The following RASGEF1C variants were observed in gnomAD, a reference collection of about 807,000 sequenced individuals.
RASGEF1C encodes RasGEF domain family member 1C.
Under a neutral mutation model 58.1 loss-of-function variants are expected in RASGEF1C, and 27 were observed. The observed-to-expected ratio is 0.46, with a 90% CI of 0.34 to 0.64. The LOEUF (loss-of-function observed/expected upper bound fraction) is 0.64, where lower values mean the gene tolerates loss of function less well. RASGEF1C is among the 30% of genes least tolerant of loss of function. RASGEF1C has a pLI of 0.01. For synonymous variants in RASGEF1C, 243 were observed against 246.3 expected (o/e 0.99, Z 0.13); for missense variants, 502 against 605.1 (o/e 0.83, Z 1.79).
At chr5:180,174,538 G>GCA in intron 1 of RASGEF1C, among the ~76,000 whole-genome samples, 1 of 128,622 alleles carries the variant, frequency 7.8e-6, no homozygotes, top group South Asian at 2.3e-4. Flanking sequence ...GTCTCTGTGT[G>GCA]TGCGTGTGTG....
At chr5:180,101,958 T>G (rs1765792579) in intron 13 of RASGEF1C, 113 bp downstream of exon 13, 1 of 767,378 alleles carries the variant, frequency 1.3e-6, no homozygotes, top group Non-Finnish European at 2.2e-6. Flanking sequence ...CTGAAGCCCC[T>G]CGGCCCTGTC....
chr5:180,154,098 T>A (rs560421977), intron 1 of RASGEF1C, among the ~76,000 whole-genome samples: 3 of 152,202 alleles, frequency 2.0e-5, no homozygotes, highest in Non-Finnish European at 4.4e-5. Flanking sequence ...TACTTCTCTC[T>A]GTGAAGGGCG....
rs776083514 is a variant in RASGEF1C, at chr5:180,118,729, G to A, written c.988-25C>T. 4 of 1,614,008 alleles carry A rather than the reference G, an allele frequency of 2.5e-6. No individual in the cohort carries two copies. The African/African-American group carries it at 4.0e-5, about 16-fold the overall frequency. The stretch of plus-strand genomic sequence containing the variant: ...GCTGGAAGGAGACAGGGAGGCATGT[G>A]GGCAGTTCTGTCCAGGGGATGGCCG... On this transcript the variant is annotated intron_variant, in intron 9 of 13. Transcript: ENST00000361132.
chr5:180,146,322 T>A (rs1258468749), intron 1 of RASGEF1C, among the ~76,000 whole-genome samples: 1 of 152,144 alleles, frequency 6.6e-6, no homozygotes, highest in African/African-American at 2.4e-5. Context: ...TTGTATTTTG[T>A]ATTTTGGTAC....
At chr5:180,130,188 C>T (rs185451396) in intron 4 of RASGEF1C, among the ~76,000 whole-genome samples, 8 of 152,200 alleles carry the variant, frequency 5.3e-5, no homozygotes, top group African/African-American at 9.6e-5. Context: ...TCAAAGAAGT[C>T]GCATAGGGTG....
At chr5:180,166,969 T>C (rs891143036) in intron 1 of RASGEF1C, among the ~76,000 whole-genome samples, 2 of 152,224 alleles carry the variant, frequency 1.3e-5, no homozygotes, top group Non-Finnish European at 2.9e-5. Context: ...ATCATTTTTC[T>C]CTGGCTGCTT....
intron 1 of RASGEF1C, among the ~76,000 whole-genome samples, chr5:180,144,743 C>A (rs1766638317): frequency 6.6e-6 from 1 of 152,226 alleles, no homozygotes; most frequent in Non-Finnish European, 1.5e-5. Flanking sequence ...TCACCACCGT[C>A]CGTCCACAGA....
At chr5:180,111,347 G>T in intron 12 of RASGEF1C, 110 bp downstream of exon 12, 1 of 1,439,006 alleles carries the variant, frequency 6.9e-7, no homozygotes, top group Non-Finnish European at 9.6e-7. Context: ...CAGCCCAGGT[G>T]GGCAGGGTGC....
intron 4 of RASGEF1C, among the ~76,000 whole-genome samples, 176 bp from the exon 5 acceptor site, chr5:180,128,786 A>G (rs897317783): frequency 4.6e-5 from 7 of 152,210 alleles, no homozygotes; most frequent in Non-Finnish European, 8.8e-5. Flanking sequence ...ACAGGACCCA[A>G]TCCCGGCCAG....
At chr5:180,119,153 C>T (rs905139628) in intron 8 of RASGEF1C, among the ~76,000 whole-genome samples, 193 bp downstream of exon 8, 5 of 152,256 alleles carry the variant, frequency 3.3e-5, no homozygotes, top group African/African-American at 1.2e-4. Flanking sequence ...CTGGGCTTGC[C>T]TCAAAAGGGG....
At chr5:180,144,823 C>T (rs1766639381) in intron 1 of RASGEF1C, among the ~76,000 whole-genome samples, 1 of 152,150 alleles carries the variant, frequency 6.6e-6, no homozygotes, top group South Asian at 2.1e-4. Context: ...TCCTCTCCTT[C>T]CCCAGCCCCT....
rs1286120100 is a variant in RASGEF1C at position 180,156,927 on chromosome 5, C to T, written c.-6-18869G>A. Reference sequence around the variant, plus strand: ...AATAAGCATTTACAAAGGTGCTTCACATCATATGTCATCAGGGAAATGCAA... The same window carrying T: ...AATAAGCATTTACAAAGGTGCTTCATATCATATGTCATCAGGGAAATGCAA... On this transcript the variant is annotated intron_variant, in intron 1 of 13. Transcript: ENST00000361132. The surrounding 1 kb of genome is among the most constrained non-coding windows in gnomAD (Gnocchi z 4.9). Among the ~76,000 whole-genome samples the T allele has an allele frequency of 6.6e-6, 1 of 152,202 alleles. No individual in the cohort carries two copies. Among genetic ancestry groups the T allele is most frequent in the Non-Finnish European group, 1.5e-5 (1 of 68,040 alleles).
In RASGEF1C at chr5:180,152,311, C is replaced by A. The variant is rs369956804; in HGVS notation, c.-6-14253G>T. Reference sequence around the variant, plus strand: ...CACAATAGCAAAGACTTGGAACCAACCCAAATGTCCAACAATGATAGACTG... The same window carrying A: ...CACAATAGCAAAGACTTGGAACCAAACCAAATGTCCAACAATGATAGACTG... On this transcript the variant is annotated intron_variant, in intron 1 of 13. Coordinates refer to ENST00000361132, the MANE Select transcript of RASGEF1C (RefSeq NM_175062.4). Among the ~76,000 whole-genome samples the A allele has an allele frequency of 2.6e-5, 4 of 152,162 alleles. No homozygotes were observed. The East Asian group carries it at 7.7e-4, about 29-fold the overall frequency.
chr5:180,186,101 GAAAAA>G lies in RASGEF1C; in HGVS notation c.-7+22922_-7+22926del, dbSNP rs35778456. 8.1e-4 allele frequency among the ~76,000 whole-genome samples: 66 copies of G among 81,142 alleles called. No individual in the cohort carries two copies. In the South Asian group the frequency reaches 0.016, roughly 19 times the overall value. 53.2% of individuals were successfully genotyped at this position (81,142 alleles called of 152,430 possible). A position where few individuals can be genotyped will look rare whatever the true frequency, so the allele number is the denominator to read the frequency against. On this transcript the variant is annotated intron_variant, in intron 1 of 13. Coordinates refer to ENST00000361132, the MANE Select transcript of RASGEF1C (RefSeq NM_175062.4). ...GACAGAGCCAGGCCCTATCTCCACA[GAAAAA>G]AAAAAAAAAAAAAAAAAGACAACAA...
At chr5:180,115,224 C>T in intron 10 of RASGEF1C, 1 of 396,880 alleles carries the variant, frequency 2.5e-6, no homozygotes, top group Admixed American at 3.3e-5. Flanking sequence ...CCATGTTGGC[C>T]AGGCTGGTAT....
chr5:180,168,008 G>A lies in RASGEF1C; in HGVS notation c.-6-29950C>T, dbSNP rs1417236819. The stretch of plus-strand genomic sequence containing the variant: ...TACCTAGCGGCCAGTCTGAGACCTG[G>A]GCCGTGTTTTATTTTGTACTATAGT... On this transcript the variant is annotated intron_variant, in intron 1 of 13. Coordinates refer to ENST00000361132, the MANE Select transcript of RASGEF1C (RefSeq NM_175062.4). The surrounding 1 kb of genome is among the most constrained non-coding windows in gnomAD (Gnocchi z 6.0). Among the ~76,000 whole-genome samples the A allele has an allele frequency of 2.6e-5, 4 of 152,164 alleles. No homozygotes were observed. Among genetic ancestry groups the A allele is most frequent in the Non-Finnish European group, 4.4e-5 (3 of 68,036 alleles).
chr5:180,176,802 C>T (rs568950711), intron 1 of RASGEF1C, among the ~76,000 whole-genome samples: 29 of 152,222 alleles, frequency 1.9e-4, no homozygotes, highest in African/African-American at 4.8e-4. Context: ...ATGATCCGCC[C>T]GCCTCGGCCT....
chr5:180,138,218 C>T (rs924585403), intron 1 of RASGEF1C, 160 bp from the exon 2 acceptor site: 4 of 488,396 alleles, frequency 8.2e-6, no homozygotes, highest in Non-Finnish European at 1.4e-5. Context: ...GGAGTATTGT[C>T]AGGGCCCCTT....
At chr5:180,104,268 G>A (rs2113233532) in intron 12 of RASGEF1C, among the ~76,000 whole-genome samples, 1 of 152,298 alleles carries the variant, frequency 6.6e-6, no homozygotes, top group African/African-American at 2.4e-5. Context: ...GTCTGGAGGA[G>A]GCGATTAGGC....
Sources: gnomAD v4.1 joint callset for allele counts (sites outside exome capture counted in the v4.1 genomes callset) on GRCh38, gnomAD v4.1.1 for gene constraint, Gnocchi (gnomAD v3.1) non-coding constraint, MANE v1.5 for transcripts, NCBI Gene and HGNC (gene_info 2026-07-23, HGNC 2026-07-21) for gene names.